ACE: variants seen among roughly 807,000 people sequenced by gnomAD.
ACE encodes the protein angiotensin I converting enzyme.
Under a neutral mutation model 162.3 loss-of-function variants are expected in ACE, and 122 were observed. The observed-to-expected ratio is 0.75, with a 90% CI of 0.65 to 0.87. The LOEUF (loss-of-function observed/expected upper bound fraction) is 0.87. Among genes scored for constraint, ACE ranks in the 40% least tolerant of loss-of-function variants. The pLI, the probability that ACE is intolerant of heterozygous loss-of-function variation, is 0.00. For missense variants in ACE, 1,799 were observed against 1,735.1 expected (o/e 1.04, Z -0.65); for synonymous variants, 796 against 720.6 (o/e 1.10, Z -1.68).
rs1415088003 is a variant in ACE at position 63,489,038 on chromosome 17, C to T, written c.2547C>T (p.Tyr849=). 1 of 1,614,152 alleles carries T rather than the reference C, an allele frequency of 6.2e-7. No individual in the cohort carries two copies. The highest frequency in any genetic ancestry group is 1.3e-5 in the African/African-American group (1 of 75,054). ...TCTTCCAGGAGCTGCAGCCACTCTA[C>T]CTCAACCTGCATGCCTACGTGCGCC... The part of the protein sequence containing the change: ...ERLFQELQPL[Y]LNLHAYVRRA... Residue 849 remains tyrosine (Y), a synonymous_variant, in exon 17 of 25, where the codon TAC becomes TAT. Transcript: ENST00000290866.
chr17:63,478,065 C>G lies in ACE; in HGVS notation c.384C>G (p.Gly128=). 1 of 1,596,146 alleles carries G rather than the reference C, an allele frequency of 6.3e-7. No homozygotes were observed. Among genetic ancestry groups the G allele is most frequent in the Non-Finnish European group, 8.5e-7 (1 of 1,171,606 alleles). Residue 128 remains glycine (G), a synonymous_variant, in exon 2 of 25, where the codon GGC becomes GGG. Coordinates refer to ENST00000290866, the MANE Select transcript of ACE (RefSeq NM_000789.4). ...TCATCGGAGCTGTGCGCACCCTGGG[C>G]TCTGCCAACCTGCCCCTGGCTAAGC... is the stretch of plus-strand genomic sequence containing the variant. The part of the protein sequence containing the change: ...RRIIGAVRTL[G]SANLPLAKRQ...
In ACE at chr17:63,493,976, C is replaced by T. The variant is rs1384728709; in HGVS notation, c.3191C>T (p.Pro1064Leu). 5.6e-6 allele frequency: 9 copies of T among 1,614,134 alleles called. No homozygotes were observed. The highest frequency in any genetic ancestry group is 7.6e-6 in the Non-Finnish European group (9 of 1,180,018). Residue 1064 changes from proline to leucine, a missense_variant, in exon 21 of 25, where the codon CCC (proline) becomes CTC (leucine). Transcript: ENST00000290866. ...GCCCTTGACAAGATCGCCTTTATCC[C>T]CTTCAGCTACCTCGTCGATCAGTGG... ...KMALDKIAFI[P>L]FSYLVDQWRW... is the part of the protein sequence containing the mutation.
chr17:63,488,360 G>GAAA lies in ACE; in HGVS notation c.2306-269_2306-267dup, dbSNP rs561946751. Among the ~76,000 whole-genome samples, 362 of 98,422 alleles carry GAAA rather than the reference G, an allele frequency of 3.7e-3. 4 individuals are homozygous for GAAA. The highest frequency in any genetic ancestry group is 0.014 in the African/African-American group (340 of 24,724). The allele number at this position is 98,422 out of a possible 152,430, so 64.6% of individuals were successfully genotyped here. ...GGCAACAGAGTGAGACCCTGTCTCA[G>GAAA]AAAAAAAAAAAAAAAAAAAAAGGAG... On this transcript the variant is annotated intron_variant, in intron 15 of 24. Coordinates refer to ENST00000290866, the MANE Select transcript of ACE (RefSeq NM_000789.4).
Position 63,483,500 on chromosome 17 carries a change from G to A in ACE, c.1528G>A (p.Glu510Lys), listed in dbSNP as rs371544905. Residue 510 changes from glutamate to lysine, a missense_variant, in exon 10 of 25, where the codon GAA becomes AAA. Coordinates refer to ENST00000290866, the MANE Select transcript of ACE (RefSeq NM_000789.4). ...GATCTGTCCTCCTGTTACCCGAAAC[G>A]AAACCCACTTTGATGCTGGAGCTAA... ...QGICPPVTRN[E>K]THFDAGAKFH... 20 of 1,614,028 alleles carry A rather than the reference G, an allele frequency of 1.2e-5. No individual in the cohort carries two copies. Among genetic ancestry groups the A allele is most frequent in the African/African-American group, 5.3e-5 (4 of 74,888 alleles).
intron 1 of ACE, 130 bp downstream of exon 1, chr17:63,477,473 G>C: frequency 1.4e-6 from 1 of 725,832 alleles, no homozygotes; most frequent in Non-Finnish European, 1.7e-6. Context: ...CCCTCGCCCC[G>C]ACAGTCAGCC....
At position 63,477,968 on chromosome 17, in the gene ACE, C is replaced by T. The variant is rs1193074438; in HGVS notation, c.287C>T (p.Ala96Val). The T allele has an allele frequency of 1.9e-6, 3 of 1,612,286 alleles. No homozygotes were observed. Among genetic ancestry groups the T allele is most frequent in the African/African-American group, 1.3e-5 (1 of 75,040 alleles). Reference sequence around the variant, plus strand: ...CTGCTCAGCCAGGAGTTTGCGGAGGCCTGGGGCCAGAAGGCCAAGGAGCTG... The same window carrying T: ...CTGCTCAGCCAGGAGTTTGCGGAGGTCTGGGGCCAGAAGGCCAAGGAGCTG... ...AALLSQEFAE[A>V]WGQKAKELYE... Residue 96 changes from alanine (A) to valine (V), a missense_variant, in exon 2 of 25, where the codon GCC becomes GTC. Physicochemically the swap from Ala to Val is moderately conservative, Grantham distance 64 (BLOSUM62 0). Transcript: ENST00000290866.
At chr17:63,493,021 C>T (rs189405240) in intron 19 of ACE, among the ~76,000 whole-genome samples, 3 of 152,326 alleles carry the variant, frequency 2.0e-5, no homozygotes, top group African/African-American at 7.2e-5. Flanking sequence ...CGCCCACTCT[C>T]ACCCCTGACA....
At chr17:63,480,644 T>A in intron 5 of ACE, 116 bp downstream of exon 5, 12 of 1,105,886 alleles carry the variant, frequency 1.1e-5, no homozygotes, top group Non-Finnish European at 1.6e-5. Context: ...CTCACATGTG[T>A]GGGGCATCAT....
chr17:63,477,086 C>A lies in ACE; in HGVS notation c.-9C>A. On this transcript the variant is annotated 5_prime_UTR_variant, in exon 1 of 25. Coordinates refer to ENST00000290866, the MANE Select transcript of ACE (RefSeq NM_000789.4). ...AGAAGGGGCAGAGCCGAGCACCGCG[C>A]ACCGCGTCATGGGGGCCGCCTCGGG... 6 of 1,302,526 alleles carry A rather than the reference C, an allele frequency of 4.6e-6. No homozygotes were observed. The highest frequency in any genetic ancestry group is 4.8e-6 in the Non-Finnish European group (5 of 1,033,094). The allele number at this position is 1,302,526 out of a possible 1,614,324, so 80.7% of individuals were successfully genotyped here.
At chr17:63,478,216 G>A in intron 2 of ACE, 118 bp downstream of exon 2, 2 of 1,332,724 alleles carry the variant, frequency 1.5e-6, no homozygotes, top group Non-Finnish European at 2.0e-6. Flanking sequence ...GGCCCTGACA[G>A]AAGGGAAAGC....
In ACE at chr17:63,478,063, G is replaced by GGCTC; in HGVS notation, c.383_386dup (p.Ala130LeufsTer8). The stretch of plus-strand genomic sequence containing the variant: ...GATCATCGGAGCTGTGCGCACCCTG[G>GGCTC]GCTCTGCCAACCTGCCCCTGGCTAA... On this transcript the variant is annotated frameshift_variant, in exon 2 of 25. Transcript: ENST00000290866. LOFTEE classifies it high-confidence loss of function. The GGCTC allele has an allele frequency of 1.3e-6, 2 of 1,597,980 alleles. No individual in the cohort carries two copies. The highest frequency in any genetic ancestry group is 1.7e-6 in the Non-Finnish European group (2 of 1,172,558).
intron 17 of ACE, chr17:63,490,721 G>C: frequency 1.8e-6 from 1 of 568,834 alleles, no homozygotes. Context: ...AGACCACCTG[G>C]ATTCCCTGAT....
rs3730025 is a variant in ACE at position 63,480,412 on chromosome 17, A to C, written c.731A>C (p.Tyr244Ser). 6.2e-7 allele frequency: 1 copy of C among 1,614,052 alleles called. No homozygotes were observed. The part of the protein sequence containing the change: ...PTFEDDLEHL[Y>S]QQLEPLYLNL... ...TTCGAGGACGATCTGGAACACCTCT[A>C]CCAACAGCTAGAGCCCCTCTACCTG... Residue 244 changes from tyrosine (Y) to serine (S), a missense_variant, in exon 5 of 25, where the codon TAC becomes TCC. Tyr to Ser is a moderately radical substitution (Grantham distance 144). Transcript: ENST00000290866.
At chr17:63,479,685 A>G in intron 3 of ACE, 84 bp from the exon 4 acceptor site, 4 of 1,569,400 alleles carry the variant, frequency 2.5e-6, no homozygotes, top group Non-Finnish European at 3.5e-6. Flanking sequence ...TGGGAGCAGT[A>G]AGGACTGGTG....
chr17:63,483,494 C>T lies in ACE; in HGVS notation c.1522C>T (p.Arg508Ter), dbSNP rs367797185. 114 of 1,613,996 alleles carry T rather than the reference C, an allele frequency of 7.1e-5. No homozygotes were observed. Among genetic ancestry groups the T allele is most frequent in the Non-Finnish European group, 8.5e-5 (100 of 1,180,006 alleles). The part of the protein sequence containing the change: ...KYQGICPPVT[R>*]NETHFDAGAK... ...TCAGGGGATCTGTCCTCCTGTTACC[C>T]GAAACGAAACCCACTTTGATGCTGG... The change falls in exon 10 of 25, where the codon CGA becomes TGA. Residue 508 changes from arginine to a stop codon, truncating the protein, a stop_gained. Coordinates refer to ENST00000290866, the MANE Select transcript of ACE (RefSeq NM_000789.4). LOFTEE classifies it high-confidence loss of function.
At position 63,477,116 on chromosome 17, in the gene ACE, C is replaced by T. The variant is rs1333116255; in HGVS notation, c.22C>T (p.Arg8Trp). The T allele has an allele frequency of 7.5e-6, 10 of 1,334,986 alleles. No homozygotes were observed. The Admixed American group carries it at 1.2e-4, about 16-fold the overall frequency. The allele number at this position is 1,334,986 out of a possible 1,614,324, so 82.7% of individuals were successfully genotyped here. Reference sequence around the variant, plus strand: ...CGTCATGGGGGCCGCCTCGGGCCGCCGGGGGCCGGGGCTGCTGCTGCCGCT... The same window carrying T: ...CGTCATGGGGGCCGCCTCGGGCCGCTGGGGGCCGGGGCTGCTGCTGCCGCT... MGAASGR[R>W]GPGLLLPLPL... The change falls in exon 1 of 25, where the codon CGG becomes TGG. Residue 8 changes from arginine (R) to tryptophan (W), a missense_variant. Coordinates refer to ENST00000290866, the MANE Select transcript of ACE (RefSeq NM_000789.4).
chr17:63,477,299 T>A lies in ACE; in HGVS notation c.205T>A (p.Trp69Arg). 3.5e-6 allele frequency: 5 copies of A among 1,418,500 alleles called. No homozygotes were observed. The highest frequency in any genetic ancestry group is 4.6e-6 in the Non-Finnish European group (5 of 1,078,024). The allele number at this position is 1,418,500 out of a possible 1,614,324, so 87.9% of individuals were successfully genotyped here. The change falls in exon 1 of 25, where the codon TGG (tryptophan) becomes AGG (arginine). Residue 69 changes from tryptophan to arginine, a missense_variant. By Grantham distance (101) the Trp-to-Arg change is moderately radical. Coordinates refer to ENST00000290866, the MANE Select transcript of ACE (RefSeq NM_000789.4). ...GCTGTTCCAGAGCGTGGCCGCCAGC[T>A]GGGCGCACGACACCAACATCACCGC... The part of the protein sequence containing the change: ...QVLFQSVAAS[W>R]AHDTNITAEN...
chr17:63,496,681 AGCCCTGGG>A, intron 23 of ACE, 109 bp from the exon 24 acceptor site: 1 of 1,573,660 alleles, frequency 6.4e-7, no homozygotes, highest in Non-Finnish European at 8.7e-7. Flanking sequence ...AGGCACCTGG[AGCCCTGGG>A]GCCCTGGGAC....
At position 63,479,800 on chromosome 17, in the gene ACE, C is replaced by T; in HGVS notation, c.543C>T (p.Ser181=). 6.2e-7 allele frequency: 1 copy of T among 1,613,408 alleles called. No homozygotes were observed. Among genetic ancestry groups the T allele is most frequent in the Non-Finnish European group, 8.5e-7 (1 of 1,180,034 alleles). The part of the protein sequence containing the change: ...DLTNILASSR[S]YAMLLFAWEG... The stretch of plus-strand genomic sequence containing the variant: ...CCAACATCCTGGCTTCCTCGCGAAG[C>T]TACGCCATGCTCCTGTTTGCCTGGG... Residue 181 remains serine (S), a synonymous_variant, in exon 4 of 25, where the codon AGC becomes AGT. Transcript: ENST00000290866.
Sources: allele counts gnomAD v4.1 joint callset (sites outside exome capture counted in the v4.1 genomes callset), GRCh38; gene constraint gnomAD v4.1.1; transcripts MANE v1.5; gene names NCBI Gene and HGNC (gene_info 2026-07-23, HGNC 2026-07-21).